Variants in SLC8A3 observed in about 807,000 individuals in gnomAD.
SLC8A3 encodes sodium/calcium exchanger 3.
A neutral mutation model predicts 65.4 loss-of-function variants in SLC8A3; 37 were observed. The ratio of observed to expected loss-of-function variants is 0.57; its 90% CI spans 0.44 to 0.74. The LOEUF is 0.74. Among genes scored for constraint, SLC8A3 ranks in the 30% least tolerant of loss-of-function variants. The probability of loss-of-function intolerance (pLI) is 0.00; values close to 1 mark genes in which losing one functional copy is unlikely to be tolerated. For synonymous variants in SLC8A3, 461 were observed against 444.5 expected (o/e 1.04, Z -0.47); for missense variants, 1,112 against 1,172.1 (o/e 0.95, Z 0.75).
At chr14:70,064,854 T>G (rs1217549570) in intron 2 of SLC8A3, among the ~76,000 whole-genome samples, 1 of 152,264 alleles carries the variant, frequency 6.6e-6, no homozygotes, top group Admixed American at 6.5e-5. Context: ...CTTCTTTTTT[T>G]CTTCCTTCAT....
chr14:70,127,402 C>T (rs949922591), intron 2 of SLC8A3, among the ~76,000 whole-genome samples: 13 of 152,140 alleles, frequency 8.5e-5, no homozygotes, highest in Admixed American at 5.2e-4. Flanking sequence ...GGCATCTTAG[C>T]GCTTTATTGA....
intron 2 of SLC8A3, among the ~76,000 whole-genome samples, chr14:70,160,219 C>T (rs925694546): frequency 6.6e-6 from 1 of 151,904 alleles, no homozygotes; most frequent in Non-Finnish European, 1.5e-5. Context: ...CCAAGGTGGG[C>T]GGATCACTTG....
intron 2 of SLC8A3, among the ~76,000 whole-genome samples, chr14:70,069,649 G>A (rs1233710888): frequency 2.6e-5 from 4 of 152,040 alleles, no homozygotes; most frequent in Admixed American, 1.3e-4. Flanking sequence ...CTCTTTGAAC[G>A]TGGACTGAAC....
At chr14:70,147,576 G>T (rs1896006580) in intron 2 of SLC8A3, among the ~76,000 whole-genome samples, 1 of 152,168 alleles carries the variant, frequency 6.6e-6, no homozygotes, top group African/African-American at 2.4e-5. Flanking sequence ...ATTAAGCCTT[G>T]ACTTTAAGGG....
intron 1 of SLC8A3, among the ~76,000 whole-genome samples, chr14:70,176,011 T>C (rs1007364241): frequency 6.6e-5 from 10 of 152,210 alleles, no homozygotes; most frequent in African/African-American, 2.2e-4. Context: ...GAAGCTTTTT[T>C]GTTTGTAAAA....
chr14:70,080,576 G>C (rs1324337961), intron 2 of SLC8A3, among the ~76,000 whole-genome samples: 3 of 152,190 alleles, frequency 2.0e-5, no homozygotes, highest in African/African-American at 7.2e-5. Flanking sequence ...AAATGGGGTT[G>C]GGTGGAGAAA....
At chr14:70,165,562 G>C (rs1279098208) in intron 2 of SLC8A3, among the ~76,000 whole-genome samples, 1 of 152,206 alleles carries the variant, frequency 6.6e-6, no homozygotes, top group Non-Finnish European at 1.5e-5. Flanking sequence ...CAGTCATTCA[G>C]AGGAAGTTCC....
intron 2 of SLC8A3, among the ~76,000 whole-genome samples, chr14:70,122,566 C>A (rs1223640564): frequency 6.6e-6 from 1 of 152,096 alleles, no homozygotes. Flanking sequence ...AACCCTACCT[C>A]CTAGGATTGC....
chr14:70,175,157 G>A (rs1010827180), intron 1 of SLC8A3, among the ~76,000 whole-genome samples: 14 of 152,036 alleles, frequency 9.2e-5, no homozygotes, highest in South Asian at 4.1e-4. Context: ...GCAGGCCTCC[G>A]TCTCCTCATT....
At position 70,048,953 on chromosome 14, in the gene SLC8A3, C is replaced by T. The variant is rs1887127697; in HGVS notation, c.2203G>A (p.Val735Met). Residue 735 changes from valine (V) to methionine (M), a missense_variant, in exon 6 of 7, where the codon GTG becomes ATG. By Grantham distance (21) the Val-to-Met change is conservative (BLOSUM62 1). Coordinates refer to ENST00000356921, the MANE Select transcript of SLC8A3 (RefSeq NM_182932.3). Reference protein sequence around the residue: ...VMHFLTVFWKVLFACVPPTEY... With the variant: ...VMHFLTVFWKMLFACVPPTEY... ...GTGGGGGGCACACAGGCAAACAGCA[C>T]CTTCCAGAAGACAGTCAGGAAGTGC... is the stretch of plus-strand genomic sequence containing the variant. The T allele has an allele frequency of 6.2e-7, 1 of 1,614,114 alleles. No homozygotes were observed. Among genetic ancestry groups the T allele is most frequent in the Non-Finnish European group, 8.5e-7 (1 of 1,180,044 alleles).
chr14:70,074,288 C>A (rs1319341622), intron 2 of SLC8A3, among the ~76,000 whole-genome samples: 3 of 152,180 alleles, frequency 2.0e-5, no homozygotes, highest in Non-Finnish European at 4.4e-5. Flanking sequence ...GACCTGTTTT[C>A]CAATTTAGAG....
chr14:70,083,949 GAAGTT>G (rs1891246759), intron 2 of SLC8A3, among the ~76,000 whole-genome samples: 1 of 152,200 alleles, frequency 6.6e-6, no homozygotes, highest in Non-Finnish European at 1.5e-5. Flanking sequence ...ACACAGAAGA[GAAGTT>G]AAGAGTGAAG....
At chr14:70,177,750 G>T (rs1897994997) in intron 1 of SLC8A3, among the ~76,000 whole-genome samples, 1 of 152,214 alleles carries the variant, frequency 6.6e-6, no homozygotes, top group African/African-American at 2.4e-5. Context: ...AAGGAATGTG[G>T]GCATTCTCTT....
chr14:70,082,669 G>GC (rs1891138180), intron 2 of SLC8A3, among the ~76,000 whole-genome samples: 1 of 152,108 alleles, frequency 6.6e-6, no homozygotes, highest in South Asian at 2.1e-4. Flanking sequence ...TGCCCTGTAA[G>GC]CCCCATGGGA....
intron 2 of SLC8A3, among the ~76,000 whole-genome samples, chr14:70,070,543 C>G (rs1889916016): frequency 6.6e-6 from 1 of 152,142 alleles, no homozygotes; most frequent in Non-Finnish European, 1.5e-5. Context: ...AGAGATGTCT[C>G]CTGGAGGAAA....
At chr14:70,119,726 C>G (rs1453163649) in intron 2 of SLC8A3, among the ~76,000 whole-genome samples, 7 of 152,248 alleles carry the variant, frequency 4.6e-5, no homozygotes, top group Admixed American at 4.6e-4. Flanking sequence ...TAAGTTATAT[C>G]TCTACCATCA....
chr14:70,112,522 T>C (rs1472007814), intron 2 of SLC8A3, among the ~76,000 whole-genome samples: 1 of 152,116 alleles, frequency 6.6e-6, no homozygotes, highest in Non-Finnish European at 1.5e-5. Context: ...TCTCAAAGCC[T>C]GGATGCGGGA....
At chr14:70,115,134 G>A (rs1030226776) in intron 2 of SLC8A3, among the ~76,000 whole-genome samples, 1 of 152,180 alleles carries the variant, frequency 6.6e-6, no homozygotes, top group African/African-American at 2.4e-5. Context: ...AGATGAAGGA[G>A]CTGAGGCCCC....
chr14:70,102,357 C>T (rs1015998219), intron 2 of SLC8A3, among the ~76,000 whole-genome samples: 1 of 152,142 alleles, frequency 6.6e-6, no homozygotes, highest in Non-Finnish European at 1.5e-5. Context: ...TAACTACTTC[C>T]AGAACAAAAC....
Sources: allele counts gnomAD v4.1 joint callset (sites outside exome capture counted in the v4.1 genomes callset), GRCh38; gene constraint gnomAD v4.1.1; transcripts MANE v1.5; gene names NCBI Gene and HGNC (gene_info 2026-07-23, HGNC 2026-07-21).